The following WDPCP variants were observed in gnomAD, a reference collection of about 807,000 sequenced individuals.
The protein encoded by WDPCP is WD repeat containing planar cell polarity effector.
Under a neutral mutation model 93.1 loss-of-function variants are expected in WDPCP, and 71 were observed. The observed-to-expected ratio is 0.76, with a 90% confidence interval of 0.63 to 0.93. The LOEUF (loss-of-function observed/expected upper bound fraction) is 0.93. WDPCP is among the 40% of genes least tolerant of loss of function. The pLI is 0.00. For missense variants in WDPCP, 844 were observed against 887.4 expected (o/e 0.95, Z 0.62); for synonymous variants, 315 against 315.0 (o/e 1.00, Z 0.00).
chr2:63,808,344 CCACGG>C, intron 2 of WDPCP, among the ~76,000 whole-genome samples: 1 of 126,856 alleles, frequency 7.9e-6, no homozygotes, highest in South Asian at 2.3e-4. Context: ...TCCCCTCTCC[CCACGG>C]TCTCCCTCTC....
intron 3 of WDPCP, among the ~76,000 whole-genome samples, chr2:63,636,395 A>C (rs749531039): frequency 2.6e-5 from 4 of 152,224 alleles, no homozygotes; most frequent in Non-Finnish European, 4.4e-5. Context: ...AAACACCCAA[A>C]GCAATCTTGA....
rs181510852 is a variant in WDPCP at position 63,611,117 on chromosome 2, A to G, written n.488+39542T>C. Among the ~76,000 whole-genome samples the G allele has an allele frequency of 2.0e-5, 3 of 152,336 alleles. No homozygotes were observed. In the East Asian group the frequency reaches 5.8e-4, roughly 29 times the overall value. The stretch of plus-strand genomic sequence containing the variant: ...TGTCTCAAAAAAAACCATAAAAGCT[A>G]TATAGATACCTGCAGAGCCACCCCA... On this transcript the variant is annotated intron_variant and non_coding_transcript_variant, in intron 3 of 4. Coordinates refer to the WDPCP transcript ENST00000467687.
At chr2:63,129,659 C>T (rs1226429056) in intron 17 of WDPCP, among the ~76,000 whole-genome samples, 2 of 152,096 alleles carry the variant, frequency 1.3e-5, no homozygotes, top group Admixed American at 6.5e-5. Flanking sequence ...TGTAGTTCTT[C>T]TATATTCTGG....
chr2:63,498,367 A>G (rs886717946), intron 1 of WDPCP, among the ~76,000 whole-genome samples: 5 of 152,190 alleles, frequency 3.3e-5, no homozygotes, highest in African/African-American at 1.2e-4. Flanking sequence ...GGGACAATCT[A>G]TGATTGCCCA....
chr2:63,304,621 C>G (rs775277815), intron 13 of WDPCP, among the ~76,000 whole-genome samples: 6 of 152,180 alleles, frequency 3.9e-5, no homozygotes, highest in Non-Finnish European at 7.3e-5. Context: ...GAGATTCCCT[C>G]GGGTGCCTAC....
chr2:63,155,913 C>T (rs1303532385), intron 15 of WDPCP, among the ~76,000 whole-genome samples: 1 of 152,156 alleles, frequency 6.6e-6, no homozygotes, highest in Admixed American at 6.5e-5. Context: ...TTTATCAAAT[C>T]TTTAGATTAA....
In WDPCP at chr2:63,191,461, C is replaced by A. The variant is rs545069369; in HGVS notation, c.1916-16629G>T. ...TTCTGTTTTGTGCAATGGAAGCTACCCTAATTCATAAAAAAATGGAGGGAT... is the reference window on the plus strand; with the variant it reads ...TTCTGTTTTGTGCAATGGAAGCTACACTAATTCATAAAAAAATGGAGGGAT... On this transcript the variant is annotated intron_variant, in intron 14 of 17. Coordinates refer to ENST00000272321, the MANE Select transcript of WDPCP (RefSeq NM_015910.7). Among the ~76,000 whole-genome samples the A allele has an allele frequency of 5.2e-4, 79 of 152,126 alleles. 1 individual carries two copies. The highest frequency in any genetic ancestry group is 8.1e-4 in the Non-Finnish European group (55 of 67,970).
chr2:63,603,976 C>T lies in WDPCP; in HGVS notation n.488+46683G>A, dbSNP rs568448963. Among the ~76,000 whole-genome samples the T allele has an allele frequency of 7.0e-4, 106 of 152,300 alleles. 1 individual carries two copies. The South Asian group carries it at 0.022, about 31-fold the overall frequency. On this transcript the variant is annotated intron_variant and non_coding_transcript_variant, in intron 3 of 4. Coordinates refer to the WDPCP transcript ENST00000467687. ...CCAGCCCAAGACATAACTTTCTAAC[C>T]TTTTTTGTGGCTACTGTACTACATG...
At chr2:63,381,883 A>G (rs1575282360) in intron 11 of WDPCP, 23 bp downstream of exon 11, 2 of 1,611,404 alleles carry the variant, frequency 1.2e-6, no homozygotes, top group East Asian at 2.2e-5. Flanking sequence ...AAACTCATCA[A>G]TGAAAAATAT....
intron 15 of WDPCP, among the ~76,000 whole-genome samples, chr2:63,158,293 G>A (rs774424274): frequency 6.6e-6 from 1 of 152,094 alleles, no homozygotes; most frequent in Non-Finnish European, 1.5e-5. Flanking sequence ...TCTGTCACTA[G>A]TTCTATCAGT....
intron 15 of WDPCP, among the ~76,000 whole-genome samples, chr2:63,164,300 A>G (rs972693047): frequency 6.6e-6 from 1 of 152,168 alleles, no homozygotes; most frequent in African/African-American, 2.4e-5. Flanking sequence ...ATCAAATTTG[A>G]CATTAGATAT....
intron 9 of WDPCP, among the ~76,000 whole-genome samples, chr2:63,412,901 T>C (rs907091174): frequency 1.3e-5 from 2 of 149,042 alleles, no homozygotes; most frequent in Non-Finnish European, 2.9e-5. Context: ...ACACATCCCA[T>C]GCTCATCGAT....
In WDPCP at chr2:63,532,738, C is replaced by T. The variant is rs929545573; in HGVS notation, c.76-39798G>A. On this transcript the variant is annotated intron_variant, in intron 1 of 17. Coordinates refer to ENST00000272321, the MANE Select transcript of WDPCP (RefSeq NM_015910.7). ...TAAACATGGAAAGGAACAAATGGTA[C>T]CAGCCACTGCAAAAACATGTCAAAT... 6.6e-5 allele frequency among the ~76,000 whole-genome samples: 10 copies of T among 152,140 alleles called. 1 individual carries two copies. The highest frequency in any genetic ancestry group is 3.9e-4 in the Admixed American group (6 of 15,268).
At chr2:63,554,709 T>C (rs1705945677) in intron 1 of WDPCP, among the ~76,000 whole-genome samples, 2 of 152,098 alleles carry the variant, frequency 1.3e-5, no homozygotes, top group Admixed American at 6.5e-5. Flanking sequence ...ATTATGCAAG[T>C]ATCCTCCTCA....
chr2:63,829,510 T>C (rs1184069299), upstream of WDPCP, among the ~76,000 whole-genome samples: 2 of 152,144 alleles, frequency 1.3e-5, no homozygotes, highest in African/African-American at 4.8e-5. Flanking sequence ...TCCAGTACTC[T>C]CCATTTTTCT....
chr2:63,274,379 T>G (rs1682913102), intron 13 of WDPCP, among the ~76,000 whole-genome samples: 1 of 151,954 alleles, frequency 6.6e-6, no homozygotes, highest in Non-Finnish European at 1.5e-5. Flanking sequence ...ATCAGAAAAG[T>G]AAGAAGATTT....
At chr2:63,371,707 A>C (rs985160278) in intron 12 of WDPCP, among the ~76,000 whole-genome samples, 5 of 152,054 alleles carry the variant, frequency 3.3e-5, no homozygotes, top group African/African-American at 9.7e-5. Flanking sequence ...AACCTTTTTC[A>C]TAACAATTTG....
chr2:63,647,970 G>T (rs538441925), intron 3 of WDPCP, among the ~76,000 whole-genome samples: 12 of 152,290 alleles, frequency 7.9e-5, no homozygotes, highest in African/African-American at 2.9e-4. Context: ...ATTTGAGAAT[G>T]AATGATGTAA....
chr2:63,668,949 G>C (rs977479666), intron 2 of WDPCP, among the ~76,000 whole-genome samples: 1 of 152,194 alleles, frequency 6.6e-6, no homozygotes, highest in Admixed American at 6.5e-5. Flanking sequence ...TTTCCCAGGA[G>C]AGAAAGCACA....
Sources: gnomAD v4.1 joint callset for allele counts (sites outside exome capture counted in the v4.1 genomes callset) on GRCh38, gnomAD v4.1.1 for gene constraint, MANE v1.5 for transcripts, NCBI Gene and HGNC (gene_info 2026-07-23, HGNC 2026-07-21) for gene names.